RPS6KA2: variants seen among roughly 807,000 people sequenced by gnomAD.
RPS6KA2 encodes ribosomal protein S6 kinase alpha-2.
In RPS6KA2, 42 loss-of-function variants were observed where a neutral mutation model predicts 91.8. That is an observed-to-expected ratio of 0.46 (90% CI 0.36 to 0.59). RPS6KA2 has a LOEUF of 0.59. Ranked by LOEUF, RPS6KA2 falls within the 20% of genes least tolerant of loss-of-function variation. The pLI is 0.00. For missense variants in RPS6KA2, 798 were observed against 978.5 expected (o/e 0.82, Z 2.46); for synonymous variants, 414 against 393.6 (o/e 1.05, Z -0.61).
At chr6:166,861,977 G>A (rs1781056760) in intron 1 of RPS6KA2, 2 of 1,155,776 alleles carry the variant, frequency 1.7e-6, no homozygotes, top group Non-Finnish European at 2.6e-6. Flanking sequence ...ACACACACTG[G>A]ATAGCCAACT....
At chr6:166,836,694 G>A (rs1041373358) in intron 2 of RPS6KA2, among the ~76,000 whole-genome samples, 1 of 152,160 alleles carries the variant, frequency 6.6e-6, no homozygotes, top group Non-Finnish European at 1.5e-5. Flanking sequence ...TTACTTTCAA[G>A]TCTCGTCTGT....
chr6:166,654,736 T>C (rs915447261), intron 2 of RPS6KA2, among the ~76,000 whole-genome samples: 7 of 152,238 alleles, frequency 4.6e-5, no homozygotes, highest in African/African-American at 1.7e-4. Flanking sequence ...TCTGGACTGA[T>C]TTCGTGGTTT....
chr6:166,768,556 T>C (rs143881136), intron 2 of RPS6KA2, among the ~76,000 whole-genome samples: 1 of 152,228 alleles, frequency 6.6e-6, no homozygotes, highest in African/African-American at 2.4e-5. Flanking sequence ...GGTATAACAA[T>C]CTGTTGAACA....
At chr6:166,682,389 T>C (rs555999378) in intron 2 of RPS6KA2, among the ~76,000 whole-genome samples, 14 of 152,288 alleles carry the variant, frequency 9.2e-5, no homozygotes, top group African/African-American at 2.2e-4. Flanking sequence ...TCCAGAGCCA[T>C]GGGGAGTGTC....
At chr6:166,420,069 C>A in intron 17 of RPS6KA2, 111 bp from the exon 18 acceptor site, 2 of 984,346 alleles carry the variant, frequency 2.0e-6, no homozygotes, top group Admixed American at 1.9e-5. Context: ...AGGAGGAGGG[C>A]GGTGCCATGT....
chr6:166,514,412 G>A (rs1782570442), intron 3 of RPS6KA2, among the ~76,000 whole-genome samples: 1 of 152,220 alleles, frequency 6.6e-6, no homozygotes, highest in Non-Finnish European at 1.5e-5. Context: ...AACAGCCTGG[G>A]AGGTTTTCAC....
intron 1 of RPS6KA2, among the ~76,000 whole-genome samples, chr6:166,574,240 G>T (rs548066255): frequency 3.9e-4 from 59 of 152,320 alleles, no homozygotes; most frequent in African/African-American, 1.4e-3. Context: ...CTGTGGCCTG[G>T]GGTATGGGTG....
intron 1 of RPS6KA2, among the ~76,000 whole-genome samples, chr6:166,568,434 CA>C (rs1048419935): frequency 9.2e-5 from 14 of 151,698 alleles, no homozygotes; most frequent in African/African-American, 2.9e-4. Flanking sequence ...GCCAACATGG[CA>C]AAACTCTGTC....
rs550507767 is a variant in RPS6KA2, at chr6:166,821,255, C to T, written c.123+36945G>A. On this transcript the variant is annotated intron_variant, in intron 2 of 21. Coordinates refer to the RPS6KA2 transcript ENST00000503859. This position sits in a 1 kb window ranked among gnomAD's most constrained non-coding sequence, Gnocchi z 4.1. ...AAATATAGAGGTGATCGGGTAACACCGAGACAAGGATTTCTCTTTCTTTCC... is the reference window on the plus strand; with the variant it reads ...AAATATAGAGGTGATCGGGTAACACTGAGACAAGGATTTCTCTTTCTTTCC... Among the ~76,000 whole-genome samples the T allele has an allele frequency of 3.3e-5, 5 of 152,196 alleles. No homozygotes were observed. The highest frequency in any genetic ancestry group is 1.2e-4 in the African/African-American group (5 of 41,514).
intron 1 of RPS6KA2, among the ~76,000 whole-genome samples, chr6:166,579,363 C>T: frequency 6.6e-6 from 1 of 151,990 alleles, no homozygotes; most frequent in Non-Finnish European, 1.5e-5. Flanking sequence ...CTGCTCGGGC[C>T]CTTCCTGGAG....
chr6:166,629,848 A>G (rs952772569), upstream of RPS6KA2, among the ~76,000 whole-genome samples: 2 of 152,298 alleles, frequency 1.3e-5, no homozygotes, highest in Non-Finnish European at 2.9e-5. Flanking sequence ...TGTGTGGTCA[A>G]TGCAATTCCA....
intron 12 of RPS6KA2, 43 bp from the exon 13 acceptor site, chr6:166,451,276 G>A (rs1447360925): frequency 1.9e-6 from 3 of 1,610,712 alleles, no homozygotes; most frequent in East Asian, 2.2e-5. Context: ...CGAAAGCTGG[G>A]TGACCCTGGG....
intron 2 of RPS6KA2, among the ~76,000 whole-genome samples, chr6:166,645,635 C>G (rs536562866): frequency 3.3e-5 from 5 of 152,244 alleles, no homozygotes; most frequent in African/African-American, 1.2e-4. Context: ...ATGTGCCCCC[C>G]CTTCTCTGGA....
chr6:166,732,093 A>C lies in RPS6KA2; in HGVS notation c.123+126107T>G, dbSNP rs6942153. ...ATAACAAAACTGGAATACCTTTTCCAGAGACCTTAATTCCTTTTTCTTTTC... is the reference window on the plus strand; with the variant it reads ...ATAACAAAACTGGAATACCTTTTCCCGAGACCTTAATTCCTTTTTCTTTTC... On this transcript the variant is annotated intron_variant, in intron 2 of 21. Coordinates refer to the RPS6KA2 transcript ENST00000503859. The surrounding 1 kb of genome is among the most constrained non-coding windows in gnomAD (Gnocchi z 4.0). Among the ~76,000 whole-genome samples, 53,765 of 151,868 alleles carry C rather than the reference A, an allele frequency of 0.35. 13,201 individuals carry two copies. Among genetic ancestry groups the C allele is most frequent in the African/African-American group, 0.7 (29,137 of 41,360 alleles).
At position 166,825,722 on chromosome 6, in the gene RPS6KA2, T is replaced by C; in HGVS notation, c.123+32478A>G. On this transcript the variant is annotated intron_variant, in intron 2 of 21. Coordinates refer to the RPS6KA2 transcript ENST00000503859. This position sits in a 1 kb window ranked among gnomAD's most constrained non-coding sequence, Gnocchi z 4.1. Reference sequence around the variant, plus strand: ...TGGTGGAAGTGGTGAGGGAGCTTTCTGGGGTCTCCTTTATAAGGGCACTAA... The same window carrying C: ...TGGTGGAAGTGGTGAGGGAGCTTTCCGGGGTCTCCTTTATAAGGGCACTAA... Among the ~76,000 whole-genome samples, 1 of 152,188 alleles carries C rather than the reference T, an allele frequency of 6.6e-6. No individual in the cohort carries two copies. Among genetic ancestry groups the C allele is most frequent in the East Asian group, 1.9e-4 (1 of 5,192 alleles).
intron 2 of RPS6KA2, among the ~76,000 whole-genome samples, chr6:166,841,995 G>A (rs114882234): frequency 0.024 from 3,665 of 152,182 alleles, 161 homozygotes; most frequent in African/African-American, 0.083. Flanking sequence ...TCTCTCGAGC[G>A]AACAAAAGCC....
chr6:166,641,035 T>C (rs1787416178), intron 2 of RPS6KA2, among the ~76,000 whole-genome samples: 2 of 152,122 alleles, frequency 1.3e-5, no homozygotes, highest in Non-Finnish European at 2.9e-5. Flanking sequence ...CAATCCAAAC[T>C]TATAGTTTTT....
chr6:166,412,744 G>A lies in RPS6KA2; in HGVS notation c.*18C>T. Reference sequence around the variant, plus strand: ...ACGAGGATGCTGGCAGGGGACGCTGGGGCCAGGGTCCCACCCGCTACAGCC... The same window carrying A: ...ACGAGGATGCTGGCAGGGGACGCTGAGGCCAGGGTCCCACCCGCTACAGCC... On this transcript the variant is annotated 3_prime_UTR_variant, in exon 21 of 21. Transcript: ENST00000265678. This position sits in a 1 kb window ranked among gnomAD's most constrained non-coding sequence, Gnocchi z 4.3. 1 of 1,574,552 alleles carries A rather than the reference G, an allele frequency of 6.4e-7. No individual in the cohort carries two copies.
chr6:166,516,937 A>C (rs961734438), intron 3 of RPS6KA2, among the ~76,000 whole-genome samples: 27 of 152,330 alleles, frequency 1.8e-4, no homozygotes, highest in African/African-American at 6.5e-4. Flanking sequence ...AAAATCCTCT[A>C]AATAGGACTG....
Sources: allele counts gnomAD v4.1 joint callset (sites outside exome capture counted in the v4.1 genomes callset), GRCh38; gene constraint gnomAD v4.1.1; non-coding constraint Gnocchi (gnomAD v3.1); transcripts MANE v1.5; gene names NCBI Gene and HGNC (gene_info 2026-07-23, HGNC 2026-07-21).